CNTNAP2: variants seen among roughly 807,000 people sequenced by gnomAD.
The protein encoded by CNTNAP2 is contactin associated protein 2.
In CNTNAP2, 98 loss-of-function variants were observed where a neutral mutation model predicts 155.2. The observed-to-expected ratio is 0.63, with a 90% CI of 0.54 to 0.75. The LOEUF is 0.75. CNTNAP2 is among the 30% of genes least tolerant of loss of function. CNTNAP2 has a pLI of 0.00. For missense variants in CNTNAP2, 1,727 were observed against 1,688.1 expected (o/e 1.02, Z -0.40); for synonymous variants, 651 against 631.2 (o/e 1.03, Z -0.47).
intron 15 of CNTNAP2, among the ~76,000 whole-genome samples, chr7:148,067,897 T>C (rs1803298202): frequency 6.6e-6 from 1 of 152,172 alleles, no homozygotes; most frequent in Admixed American, 6.5e-5. Flanking sequence ...ATGGCTGCTC[T>C]GCAGTGTCAT....
chr7:148,343,185 C>T (rs181598856), intron 21 of CNTNAP2, among the ~76,000 whole-genome samples: 78 of 152,322 alleles, frequency 5.1e-4, no homozygotes, highest in African/African-American at 1.6e-3. Flanking sequence ...AGCCAGTCTC[C>T]CCAGCAGAGC....
chr7:146,353,727 A>C (rs534129705), intron 1 of CNTNAP2, among the ~76,000 whole-genome samples: 1 of 152,066 alleles, frequency 6.6e-6, no homozygotes, highest in Non-Finnish European at 1.5e-5. Flanking sequence ...TACACCTGAC[A>C]AAGGTAGTAG....
chr7:147,618,796 C>G (rs1404526748), intron 12 of CNTNAP2, among the ~76,000 whole-genome samples: 1 of 151,612 alleles, frequency 6.6e-6, no homozygotes, highest in Admixed American at 6.6e-5. Context: ...TTTCACTGGT[C>G]ATTTTCCAGC....
intron 12 of CNTNAP2, among the ~76,000 whole-genome samples, chr7:147,610,687 A>T (rs957708640): frequency 6.6e-6 from 1 of 152,122 alleles, no homozygotes; most frequent in Non-Finnish European, 1.5e-5. Flanking sequence ...TTCTAGTCAG[A>T]GGAAACAGCC....
chr7:148,391,653 C>T (rs369423553), intron 22 of CNTNAP2, among the ~76,000 whole-genome samples: 2 of 152,274 alleles, frequency 1.3e-5, no homozygotes, highest in South Asian at 2.1e-4. Context: ...AGGCAATTGC[C>T]GTGATTTACC....
chr7:148,165,540 G>C (rs963314), intron 17 of CNTNAP2, among the ~76,000 whole-genome samples: 1 of 151,942 alleles, frequency 6.6e-6, no homozygotes, highest in Non-Finnish European at 1.5e-5. Flanking sequence ...AGCAATAATC[G>C]TAACAGCTAC....
chr7:146,910,637 C>A (rs1344582071), intron 3 of CNTNAP2, among the ~76,000 whole-genome samples: 1 of 150,434 alleles, frequency 6.6e-6, no homozygotes, highest in Non-Finnish European at 1.5e-5. Flanking sequence ...TTCCTTACAC[C>A]TTATACAAAA....
chr7:146,763,589 T>C (rs1802142521), intron 1 of CNTNAP2, among the ~76,000 whole-genome samples: 1 of 152,166 alleles, frequency 6.6e-6, no homozygotes, highest in Non-Finnish European at 1.5e-5. Flanking sequence ...GTTAATACTA[T>C]TTTTCAAATG....
intron 6 of CNTNAP2, among the ~76,000 whole-genome samples, chr7:147,123,493 G>A (rs144372719): frequency 5.3e-5 from 8 of 152,310 alleles, no homozygotes; most frequent in South Asian, 2.1e-4. Flanking sequence ...ATACAATGTC[G>A]TGTTTGAGAA....
Position 148,118,201 on chromosome 7 carries a change from A to G in CNTNAP2, c.2467A>G (p.Ile823Val), listed in dbSNP as rs759501543. 3.1e-6 allele frequency: 5 copies of G among 1,614,146 alleles called. No individual in the cohort carries two copies. The highest frequency in any genetic ancestry group is 2.2e-5 in the East Asian group (1 of 44,886). ...STFQGETSAD[I>V]SFYFKTLTPW... is the part of the protein sequence containing the mutation. ...TTTCCAAGGGGAAACTAGCGCTGAC[A>G]TTTCTTTCTACTTCAAAACATTAAC... Residue 823 changes from isoleucine (I) to valine (V), a missense_variant, in exon 16 of 24, where the codon ATT becomes GTT. Physicochemically the swap from Ile to Val is conservative, Grantham distance 29. Coordinates refer to ENST00000361727, the MANE Select transcript of CNTNAP2 (RefSeq NM_014141.6).
At chr7:146,439,764 C>T (rs888614206) in intron 1 of CNTNAP2, among the ~76,000 whole-genome samples, 2 of 151,622 alleles carry the variant, frequency 1.3e-5, no homozygotes, top group Middle Eastern at 6.8e-3. Flanking sequence ...TAAAAAAACA[C>T]CTTTCCTTAC....
At chr7:148,109,351 G>GTGTTTTGTTT (rs71188946) in intron 15 of CNTNAP2, among the ~76,000 whole-genome samples, 10,302 of 147,018 alleles carry the variant, frequency 0.07, 429 homozygotes, top group African/African-American at 0.082. Context: ...AAGAAGAGAG[G>GTGTTTTGTTT]TGTTTTGTTT....
intron 8 of CNTNAP2, chr7:147,146,227 T>A (rs1475934279): frequency 2.0e-5 from 3 of 152,792 alleles, no homozygotes; most frequent in Non-Finnish European, 4.4e-5. Context: ...TTCTGCACTT[T>A]CTTGTTCTTC....
At position 148,418,360 on chromosome 7, in the gene CNTNAP2, G is replaced by T. The variant is rs1800039952; in HGVS notation, c.*2744G>T. The T allele has an allele frequency of 6.6e-6, 1 of 152,168 alleles. No individual in the cohort carries two copies. The allele number at this position is 152,168 out of a possible 1,614,324, so 9.4% of individuals were successfully genotyped here. ...TGTCATTCACATCTCACAAAATCTT[G>T]ACATCTTACATTCCAATACATTATC... is the stretch of plus-strand genomic sequence containing the variant. On this transcript the variant is annotated 3_prime_UTR_variant, in exon 24 of 24. Transcript: ENST00000361727.
chr7:147,368,245 G>A (rs1225457833), intron 9 of CNTNAP2, among the ~76,000 whole-genome samples: 1 of 151,838 alleles, frequency 6.6e-6, no homozygotes. Flanking sequence ...CCTGGGCAGG[G>A]AAGTCTGTGA....
chr7:148,115,211 G>A (rs986674072), intron 15 of CNTNAP2, among the ~76,000 whole-genome samples: 3 of 152,218 alleles, frequency 2.0e-5, no homozygotes, highest in Non-Finnish European at 4.4e-5. Flanking sequence ...TTGAATAACT[G>A]ATGGAACTAC....
At position 146,352,750 on chromosome 7, in the gene CNTNAP2, G is replaced by GTTT. The variant is rs531124445; in HGVS notation, c.97+235796_97+235798dup. ...TTATAATTTCAATTAGCATAATTCT[G>GTTT]TTTTTTTTTTTTTTTTTTTTTCGAG... On this transcript the variant is annotated intron_variant, in intron 1 of 23. Coordinates refer to ENST00000361727, the MANE Select transcript of CNTNAP2 (RefSeq NM_014141.6). Among the ~76,000 whole-genome samples, 435 of 64,290 alleles carry GTTT rather than the reference G, an allele frequency of 6.8e-3. 86 individuals are homozygous for GTTT. The highest frequency in any genetic ancestry group is 0.02 in the African/African-American group (317 of 15,542). 42.2% of individuals were successfully genotyped at this position (64,290 alleles called of 152,430 possible). A position where few individuals can be genotyped will look rare whatever the true frequency, so the allele number is the denominator to read the frequency against.
intron 4 of CNTNAP2, among the ~76,000 whole-genome samples, chr7:147,079,257 T>C (rs537475087): frequency 1.3e-5 from 2 of 151,898 alleles, no homozygotes; most frequent in South Asian, 4.2e-4. Context: ...CACAGGGAGG[T>C]TGAGTAACAC....
intron 1 of CNTNAP2, among the ~76,000 whole-genome samples, chr7:146,748,019 A>T (rs187340517): frequency 7.5e-6 from 1 of 132,758 alleles, no homozygotes; most frequent in Non-Finnish European, 1.5e-5. Context: ...TCCTTTTTTT[A>T]AAAATTTTTA....
Sources: allele counts gnomAD v4.1 joint callset (sites outside exome capture counted in the v4.1 genomes callset), GRCh38; gene constraint gnomAD v4.1.1; transcripts MANE v1.5; gene names NCBI Gene and HGNC (gene_info 2026-07-23, HGNC 2026-07-21).